Variants in MED25 observed in about 807,000 individuals in gnomAD.
The protein encoded by MED25 is mediator of RNA polymerase II transcription subunit 25.
MED25 carries 62 observed loss-of-function variants against 89.4 expected under a neutral mutation model. That is an observed-to-expected ratio of 0.69 (90% CI 0.57 to 0.86). The LOEUF is 0.86. Among genes scored for constraint, MED25 ranks in the 40% least tolerant of loss-of-function variants. The pLI, the probability that MED25 is intolerant of heterozygous loss-of-function variation, is 0.00. For synonymous variants in MED25, 449 were observed against 427.9 expected (o/e 1.05, Z -0.61); for missense variants, 905 against 1,005.2 (o/e 0.90, Z 1.35).
intron 4 of MED25, 80 bp downstream of exon 4, chr19:49,828,627 C>A: frequency 8.4e-7 from 1 of 1,187,686 alleles, no homozygotes; most frequent in Non-Finnish European, 1.3e-6. Context: ...GTGGTTCTAC[C>A]TCCAGCCTCA....
intron 3 of MED25, among the ~76,000 whole-genome samples, chr19:49,824,932 GAGTA>G (rs1437495986): frequency 6.6e-6 from 1 of 152,162 alleles, no homozygotes; most frequent in African/African-American, 2.4e-5. Context: ...GAACAAATGG[GAGTA>G]AGTTAGAGGA....
chr19:49,838,745 G>T, downstream of MED25: 1 of 456,708 alleles, frequency 2.2e-6, no homozygotes. Context: ...TCAAAGCATA[G>T]TAAGAGCTAC....
rs747804835 is a variant in MED25, at chr19:49,828,546, A to G, written c.403A>G (p.Ile135Val). The G allele has an allele frequency of 3.1e-6, 5 of 1,611,700 alleles. No homozygotes were observed. In the African/African-American group the frequency reaches 6.7e-5, roughly 22 times the overall value. ...TGACTTCAAGAAGATGCGCGAGCAG[A>G]TGTGAGTGCCCCCTCCACCCAGGCC... ...FDDFKKMREQ[I>V]GQTHRVCLLI... The change falls in exon 4 of 18, where the codon ATT becomes GTT. Residue 135 changes from isoleucine (I) to valine (V), a missense_variant and splice_region_variant. Ile to Val is a conservative substitution (Grantham distance 29). Coordinates refer to ENST00000312865, the MANE Select transcript of MED25 (RefSeq NM_030973.4).
Position 49,835,984 on chromosome 19 carries a change from T to C in MED25, c.1965+39T>C. The C allele has an allele frequency of 6.2e-7, 1 of 1,607,964 alleles. No individual in the cohort carries two copies. The stretch of plus-strand genomic sequence containing the variant: ...GTGGGGTAGCGAGAGTTCCAGATCC[T>C]GGCCCTGGTGGTTCTGGTCCTGTTG... On this transcript the variant is annotated intron_variant, in intron 16 of 17. Transcript: ENST00000312865. The surrounding 1 kb of genome is among the most constrained non-coding windows in gnomAD (Gnocchi z 6.2).
rs756047976 is a variant in MED25 at position 49,836,341 on chromosome 19, C to T, written c.2081C>T (p.Pro694Leu). Reference protein sequence around the residue: ...QGLGQPQLGPPLLHPPPAQSW... With the variant: ...QGLGQPQLGPLLLHPPPAQSW... ...CTGGGGCAGCCCCAGTTGGGGCCCC[C>T]ACTCCTGCATCCACCACCTGCCCAG... is the stretch of plus-strand genomic sequence containing the variant. Residue 694 changes from proline to leucine, a missense_variant, in exon 17 of 18, where the codon CCA (proline) becomes CTA (leucine). Physicochemically the swap from Pro to Leu is moderately conservative, Grantham distance 98 (BLOSUM62 -3). This residue lies in a region of MED25 where 271 missense variants were observed against 258.1 expected (regional missense o/e 1.05). Transcript: ENST00000312865. This position sits in a 1 kb window ranked among gnomAD's most constrained non-coding sequence, Gnocchi z 5.1. 6 of 1,609,692 alleles carry T rather than the reference C, an allele frequency of 3.7e-6. No homozygotes were observed. Among genetic ancestry groups the T allele is most frequent in the Non-Finnish European group, 4.2e-6 (5 of 1,178,504 alleles).
rs752135588 is a variant in MED25 at position 49,829,015 on chromosome 19, A to G, written c.450A>G (p.Pro150=). The change falls in exon 5 of 18, where the codon CCA becomes CCG. Residue 150 remains proline (P), a synonymous_variant. Transcript: ENST00000312865. This position sits in a 1 kb window ranked among gnomAD's most constrained non-coding sequence, Gnocchi z 4.6. ...RVCLLICNSP[P]YLLPAVESTT... is the part of the protein sequence containing the mutation. ...GCCTCCTCATCTGCAACTCACCCCC[A>G]TACTTGTTGCCTGCTGTTGAGAGCA... is the stretch of plus-strand genomic sequence containing the variant. 6.2e-6 allele frequency: 10 copies of G among 1,613,914 alleles called. No individual in the cohort carries two copies. Among genetic ancestry groups the G allele is most frequent in the East Asian group, 2.2e-5 (1 of 44,898 alleles).
At position 49,831,547 on chromosome 19, in the gene MED25, G is replaced by A. The variant is rs924358001; in HGVS notation, c.1230+86G>A. 5 of 1,495,580 alleles carry A rather than the reference G, an allele frequency of 3.3e-6. No homozygotes were observed. In the Admixed American group the frequency reaches 6.2e-5, roughly 19 times the overall value. The allele number at this position is 1,495,580 out of a possible 1,614,324, so 92.6% of individuals were successfully genotyped here. Reference sequence around the variant, plus strand: ...TAGGACTCATGGGGCCAGATGCGTGGGGTCTGCAGTGCTGGGTTTGGAGGC... The same window carrying A: ...TAGGACTCATGGGGCCAGATGCGTGAGGTCTGCAGTGCTGGGTTTGGAGGC... On this transcript the variant is annotated intron_variant, in intron 10 of 17. Transcript: ENST00000312865. This position sits in a 1 kb window ranked among gnomAD's most constrained non-coding sequence, Gnocchi z 5.0.
Position 49,830,459 on chromosome 19 carries a change from TG to T in MED25, c.820-46del, listed in dbSNP as rs2074046899. 5 of 1,577,366 alleles carry T rather than the reference TG, an allele frequency of 3.2e-6. No individual in the cohort carries two copies. On this transcript the variant is annotated intron_variant, in intron 7 of 17. Coordinates refer to ENST00000312865, the MANE Select transcript of MED25 (RefSeq NM_030973.4). The surrounding 1 kb of genome is among the most constrained non-coding windows in gnomAD (Gnocchi z 4.6). Reference sequence around the variant, plus strand: ...GTGTGACCTCGTGGGATACCAGGACTGGGGGGCCATGGTCCTCACCAGTCCC... The same window carrying T: ...GTGTGACCTCGTGGGATACCAGGACTGGGGGCCATGGTCCTCACCAGTCCC...
At position 49,836,376 on chromosome 19, in the gene MED25, G is replaced by A. The variant is rs762953015; in HGVS notation, c.2116G>A (p.Ala706Thr). 49 of 1,604,014 alleles carry A rather than the reference G, an allele frequency of 3.1e-5. No individual in the cohort carries two copies. The East Asian group carries it at 5.0e-4, about 16-fold the overall frequency. The part of the protein sequence containing the change: ...LHPPPAQSWP[A>T]QLPPRAPLPG... Reference sequence around the variant, plus strand: ...TCCACCACCTGCCCAGTCCTGGCCCGCACAACTTCCCCCTCGGGCTCCACT... The same window carrying A: ...TCCACCACCTGCCCAGTCCTGGCCCACACAACTTCCCCCTCGGGCTCCACT... The change falls in exon 17 of 18, where the codon GCA becomes ACA. Residue 706 changes from alanine (A) to threonine (T), a missense_variant. Physicochemically the swap from Ala to Thr is moderately conservative, Grantham distance 58 (BLOSUM62 0). This residue lies in a region of MED25 where 271 missense variants were observed against 258.1 expected (regional missense o/e 1.05). Transcript: ENST00000312865. This position sits in a 1 kb window ranked among gnomAD's most constrained non-coding sequence, Gnocchi z 5.1.
downstream of MED25, chr19:49,838,608 C>T (rs1280379105): frequency 4.4e-6 from 2 of 457,240 alleles, no homozygotes; most frequent in Non-Finnish European, 8.8e-6. Flanking sequence ...AAGGAGAGGG[C>T]CGTGTGTTTC....
intron 3 of MED25, among the ~76,000 whole-genome samples, chr19:49,824,012 C>T (rs565815769): frequency 9.9e-5 from 15 of 152,158 alleles, no homozygotes; most frequent in Admixed American, 2.6e-4. Context: ...TGGGAGAGAC[C>T]GGTAAGACAG....
At position 49,830,659 on chromosome 19, in the gene MED25, T is replaced by C; in HGVS notation, c.908-35T>C. 1 of 1,613,232 alleles carries C rather than the reference T, an allele frequency of 6.2e-7. No homozygotes were observed. Among genetic ancestry groups the C allele is most frequent in the Non-Finnish European group, 8.5e-7 (1 of 1,179,178 alleles). ...GCCAGGCAGGCCTCTCTCCACACAC[T>C]TGTTCCCCACTTCTTCCCTTGGTCT... On this transcript the variant is annotated intron_variant, in intron 8 of 17. Coordinates refer to ENST00000312865, the MANE Select transcript of MED25 (RefSeq NM_030973.4). The surrounding 1 kb of genome is among the most constrained non-coding windows in gnomAD (Gnocchi z 4.6).
Position 49,818,440 on chromosome 19 carries a change from G to T in MED25, c.99G>T (p.Glu33Asp). The part of the protein sequence containing the change: ...EGTANLGPYF[E>D]GLRKHYLLPA... ...CGGCCAACCTGGGACCCTACTTCGA[G>T]GGGCTCCGCAAGCACTACCTGCTCC... The change falls in exon 1 of 18, where the codon GAG becomes GAT. Residue 33 changes from glutamate to aspartate, a missense_variant. Transcript: ENST00000312865. 4 of 1,614,152 alleles carry T rather than the reference G, an allele frequency of 2.5e-6. No individual in the cohort carries two copies. The highest frequency in any genetic ancestry group is 1.1e-5 in the South Asian group (1 of 91,088).
rs2074057833 is a variant in MED25, at chr19:49,831,553, G to A, written c.1230+92G>A. 34 of 1,471,274 alleles carry A rather than the reference G, an allele frequency of 2.3e-5. No homozygotes were observed. In the South Asian group the frequency reaches 3.8e-4, roughly 17 times the overall value. The allele number at this position is 1,471,274 out of a possible 1,614,324, so 91.1% of individuals were successfully genotyped here. On this transcript the variant is annotated intron_variant, in intron 10 of 17. Transcript: ENST00000312865. The surrounding 1 kb of genome is among the most constrained non-coding windows in gnomAD (Gnocchi z 5.0). ...TCATGGGGCCAGATGCGTGGGGTCTGCAGTGCTGGGTTTGGAGGCATTCGT... is the reference window on the plus strand; with the variant it reads ...TCATGGGGCCAGATGCGTGGGGTCTACAGTGCTGGGTTTGGAGGCATTCGT...
In MED25 at chr19:49,828,539, C is replaced by T. The variant is rs142353864; in HGVS notation, c.396C>T (p.Arg132=). 2.7e-4 allele frequency: 431 copies of T among 1,613,120 alleles called. No homozygotes were observed. In the African/African-American group the frequency reaches 3.7e-3, roughly 14 times the overall value. Residue 132 remains arginine, a synonymous_variant, in exon 4 of 18, where the codon CGC becomes CGT. Transcript: ENST00000312865. The part of the protein sequence containing the change: ...LQLFDDFKKM[R]EQIGQTHRVC... The stretch of plus-strand genomic sequence containing the variant: ...TGTTTGATGACTTCAAGAAGATGCG[C>T]GAGCAGATGTGAGTGCCCCCTCCAC...
rs1466159526 is a variant in MED25, at chr19:49,829,453, A to G, written c.526-333A>G. 6.6e-6 allele frequency among the ~76,000 whole-genome samples: 1 copy of G among 151,978 alleles called. No individual in the cohort carries two copies. Among genetic ancestry groups the G allele is most frequent in the Non-Finnish European group, 1.5e-5 (1 of 67,992 alleles). ...GCCACCACGCCCAGCTGATTTTTGT[A>G]TCTTTAGTAGAGATGAGGTTTCACC... On this transcript the variant is annotated intron_variant, in intron 5 of 17. Coordinates refer to ENST00000312865, the MANE Select transcript of MED25 (RefSeq NM_030973.4). The surrounding 1 kb of genome is among the most constrained non-coding windows in gnomAD (Gnocchi z 4.6).
Position 49,829,674 on chromosome 19 carries a change from T to A in MED25, c.526-112T>A. ...CTGCCTCAAAGCCCAATGGGAATTG[T>A]GGTTGTAGGGCTGGTGCCGTCCAGC... On this transcript the variant is annotated intron_variant, in intron 5 of 17. Transcript: ENST00000312865. The surrounding 1 kb of genome is among the most constrained non-coding windows in gnomAD (Gnocchi z 4.6). 1 of 1,152,720 alleles carries A rather than the reference T, an allele frequency of 8.7e-7. No homozygotes were observed. Among genetic ancestry groups the A allele is most frequent in the South Asian group, 1.4e-5 (1 of 69,752 alleles). 71.4% of individuals were successfully genotyped at this position (1,152,720 alleles called of 1,614,324 possible).
In MED25 at chr19:49,829,425, C is replaced by T. The variant is rs2074037493; in HGVS notation, c.525+335C>T. Among the ~76,000 whole-genome samples, 1 of 152,142 alleles carries T rather than the reference C, an allele frequency of 6.6e-6. No homozygotes were observed. The highest frequency in any genetic ancestry group is 2.4e-5 in the African/African-American group (1 of 41,422). ...TCCCGAGTAGCTGGGATTATAGACG[C>T]CCGCCACCACGCCCAGCTGATTTTT... On this transcript the variant is annotated intron_variant, in intron 5 of 17. Transcript: ENST00000312865. The surrounding 1 kb of genome is among the most constrained non-coding windows in gnomAD (Gnocchi z 4.6).
Position 49,835,416 on chromosome 19 carries a change from C to G in MED25, c.1675-118C>G. The G allele has an allele frequency of 9.0e-7, 1 of 1,112,398 alleles. No homozygotes were observed. Among genetic ancestry groups the G allele is most frequent in the Non-Finnish European group, 1.3e-6 (1 of 777,732 alleles). 68.9% of individuals were successfully genotyped at this position (1,112,398 alleles called of 1,614,324 possible). A position where few individuals can be genotyped will look rare whatever the true frequency, so the allele number is the denominator to read the frequency against. On this transcript the variant is annotated intron_variant, in intron 14 of 17. Transcript: ENST00000312865. The surrounding 1 kb of genome is among the most constrained non-coding windows in gnomAD (Gnocchi z 6.2). ...TACGGCATCCCTCCCAGACCACTCA[C>G]CCCCAAAGAGAATGTCCCCATCTCC...
Sources: gnomAD v4.1 joint callset for allele counts (sites outside exome capture counted in the v4.1 genomes callset) on GRCh38, gnomAD v4.1.1 for gene constraint, gnomAD v4.1.1 regional missense constraint, Gnocchi (gnomAD v3.1) non-coding constraint, MANE v1.5 for transcripts, NCBI Gene and HGNC (gene_info 2026-07-23, HGNC 2026-07-21) for gene names.